FAM135B: variants seen among roughly 807,000 people sequenced by gnomAD.
FAM135B encodes the protein family with sequence similarity 135 member B, also known as protein FAM135B.
A neutral mutation model predicts 127.7 loss-of-function variants in FAM135B; 43 were observed. The ratio of observed to expected loss-of-function variants is 0.34; its 90% CI spans 0.26 to 0.43. The LOEUF (loss-of-function observed/expected upper bound fraction) is 0.43. FAM135B is among the 20% of genes least tolerant of loss of function. The pLI, the probability that FAM135B is intolerant of heterozygous loss-of-function variation, is 1.00. For synonymous variants in FAM135B, 670 were observed against 665.1 expected, an observed-to-expected ratio of 1.01 and a Z score of -0.11; for missense variants, 1,558 against 1,725.6, an observed-to-expected ratio of 0.90 and a Z score of 1.72.
intron 2 of FAM135B, among the ~76,000 whole-genome samples, chr8:138,326,201 G>T (rs1438465997): frequency 6.6e-6 from 1 of 152,156 alleles, no homozygotes; most frequent in African/African-American, 2.4e-5. Context: ...TGGGGTTCTA[G>T]TTTGCATGAG....
At chr8:138,271,882 C>T (rs1392793386) in intron 3 of FAM135B, among the ~76,000 whole-genome samples, 1 of 152,030 alleles carries the variant, frequency 6.6e-6, no homozygotes, top group African/African-American at 2.4e-5. Context: ...TTCCTTACAT[C>T]GTTGAGTATG....
At chr8:138,376,285 G>T (rs1409432440) in intron 1 of FAM135B, among the ~76,000 whole-genome samples, 2 of 152,070 alleles carry the variant, frequency 1.3e-5, no homozygotes, top group Non-Finnish European at 2.9e-5. Flanking sequence ...AAGACAATTA[G>T]TTGTCAGTTC....
At chr8:138,455,679 T>C (rs1836734728) in intron 1 of FAM135B, among the ~76,000 whole-genome samples, 1 of 152,170 alleles carries the variant, frequency 6.6e-6, no homozygotes, top group African/African-American at 2.4e-5. Context: ...TCTAGCATTA[T>C]TCTCCTTGTG....
intron 7 of FAM135B, among the ~76,000 whole-genome samples, chr8:138,235,024 C>G (rs1016216628): frequency 6.6e-6 from 1 of 152,224 alleles, no homozygotes; most frequent in East Asian, 1.9e-4. Context: ...ATAATTCAGA[C>G]TGGACCATAT....
intron 1 of FAM135B, among the ~76,000 whole-genome samples, chr8:138,416,853 C>T (rs112780889): frequency 4.1e-4 from 63 of 152,180 alleles, no homozygotes; most frequent in African/African-American, 1.4e-3. Flanking sequence ...GGTAGAAGCC[C>T]TGCATGGAGT....
intron 1 of FAM135B, among the ~76,000 whole-genome samples, chr8:138,494,189 A>C (rs1490536486): frequency 6.6e-6 from 1 of 152,256 alleles, no homozygotes; most frequent in Non-Finnish European, 1.5e-5. Context: ...GCCATGGAGC[A>C]TCCTCCAGGC....
intron 3 of FAM135B, among the ~76,000 whole-genome samples, chr8:138,309,954 C>T (rs936286173): frequency 4.0e-5 from 6 of 150,598 alleles, no homozygotes; most frequent in African/African-American, 7.3e-5. Context: ...ACTGCCACCT[C>T]CACCTCCCAG....
chr8:138,179,425 T>C (rs1428072075), intron 9 of FAM135B, among the ~76,000 whole-genome samples: 1 of 152,162 alleles, frequency 6.6e-6, no homozygotes, highest in East Asian at 1.9e-4. Flanking sequence ...TACCCTTTGG[T>C]AGAGTTACTG....
At chr8:138,215,875 ATCAGTTTCTTTGGACATTCTC>A (rs1818503029) in intron 7 of FAM135B, among the ~76,000 whole-genome samples, 1 of 152,188 alleles carries the variant, frequency 6.6e-6, no homozygotes, top group African/African-American at 2.4e-5. Flanking sequence ...ATGAGCAAGC[ATCAGTTTCTTTGGACATTCTC>A]TCGGGAATGA....
intron 1 of FAM135B, among the ~76,000 whole-genome samples, chr8:138,485,750 C>T (rs1814960049): frequency 6.6e-6 from 1 of 151,966 alleles, no homozygotes; most frequent in African/African-American, 2.4e-5. Context: ...AAAAAGAGGG[C>T]TAAAGAACTG....
At chr8:138,394,249 G>A (rs1003010275) in intron 1 of FAM135B, among the ~76,000 whole-genome samples, 2 of 152,190 alleles carry the variant, frequency 1.3e-5, no homozygotes, top group African/African-American at 2.4e-5. Flanking sequence ...GGGTGTGTTT[G>A]TCCCATGGGC....
At chr8:138,179,722 C>T (rs1814829050) in intron 9 of FAM135B, among the ~76,000 whole-genome samples, 1 of 152,178 alleles carries the variant, frequency 6.6e-6, no homozygotes, top group Non-Finnish European at 1.5e-5. Context: ...GTGACAGGGT[C>T]TCGCTCTGTC....
intron 2 of FAM135B, among the ~76,000 whole-genome samples, chr8:138,348,131 T>TC (rs1587181313): frequency 1.1e-5 from 1 of 92,780 alleles, no homozygotes; most frequent in African/African-American, 4.6e-5. Flanking sequence ...CCTCCTCTTT[T>TC]TTTTTTTTTT....
At chr8:138,356,578 G>A (rs1317282416) in intron 2 of FAM135B, among the ~76,000 whole-genome samples, 1 of 152,164 alleles carries the variant, frequency 6.6e-6, no homozygotes, top group Non-Finnish European at 1.5e-5. Context: ...TTCACCCAAT[G>A]ATGGTGAAGT....
chr8:138,195,254 T>C lies in FAM135B; in HGVS notation c.873+4A>G, dbSNP rs184682253. 6.2e-7 allele frequency: 1 copy of C among 1,613,238 alleles called. No homozygotes were observed. Among genetic ancestry groups the C allele is most frequent in the East Asian group, 2.2e-5 (1 of 44,870 alleles). On this transcript the variant is annotated splice_donor_region_variant and intron_variant, in intron 9 of 19. Transcript: ENST00000395297. ...TCAGACCCCAGCGCCAGTTCTCCAA[T>C]TACCTGTAGCTCTGAGCACAGCTGA...
At chr8:138,172,639 CT>C (rs1820568118) in intron 11 of FAM135B, among the ~76,000 whole-genome samples, 1 of 152,142 alleles carries the variant, frequency 6.6e-6, no homozygotes, top group Non-Finnish European at 1.5e-5. Flanking sequence ...ACCTTGTTAG[CT>C]TTTTAATTCA....
rs373765220 is a variant in FAM135B at position 138,137,451 on chromosome 8, C to T, written c.3902-191G>A. Among the ~76,000 whole-genome samples the T allele has an allele frequency of 4.5e-4, 69 of 152,162 alleles. 1 individual carries two copies. The South Asian group carries it at 0.014, about 31-fold the overall frequency. On this transcript the variant is annotated intron_variant, in intron 18 of 19. Transcript: ENST00000395297. ...TGCACAGCAGATGGCATAGAGGTAT[C>T]GCGGGGGCCTATGGGAGGTTGAGAA... is the stretch of plus-strand genomic sequence containing the variant.
chr8:138,444,949 A>G (rs552933392), intron 1 of FAM135B, among the ~76,000 whole-genome samples: 90 of 152,328 alleles, frequency 5.9e-4, no homozygotes, highest in African/African-American at 2.1e-3. Context: ...AAATAGCCGC[A>G]ATAAAAAATG....
rs369584773 is a variant in FAM135B at position 138,379,930 on chromosome 8, A to C, written c.-19-11928T>G. Among the ~76,000 whole-genome samples the C allele has an allele frequency of 2.2e-4, 34 of 152,296 alleles. 1 individual carries two copies. In the South Asian group the frequency reaches 6.8e-3, roughly 31 times the overall value. ...ATTCCTGCTTTGGGATTGAGCCTTG[A>C]GTAGACATCCTCTATGCTTCCTGAC... is the stretch of plus-strand genomic sequence containing the variant. On this transcript the variant is annotated intron_variant, in intron 1 of 19. Coordinates refer to ENST00000395297, the MANE Select transcript of FAM135B (RefSeq NM_015912.4).
Sources: gnomAD v4.1 joint callset for allele counts (sites outside exome capture counted in the v4.1 genomes callset) on GRCh38, gnomAD v4.1.1 for gene constraint, MANE v1.5 for transcripts, NCBI Gene and HGNC (gene_info 2026-07-23, HGNC 2026-07-21) for gene names.